GRIA3: variants seen among roughly 807,000 people sequenced by gnomAD.
GRIA3 encodes the protein glutamate ionotropic receptor AMPA type subunit 3.
GRIA3 carries 3 observed loss-of-function variants against 63.0 expected under a neutral mutation model. That is an observed-to-expected ratio of 0.05 (90% CI 0.02 to 0.12). The LOEUF (loss-of-function observed/expected upper bound fraction) is 0.12. GRIA3 is among the 10% of genes least tolerant of loss of function. The probability of loss-of-function intolerance (pLI) is 1.00; values close to 1 mark genes in which losing one functional copy is unlikely to be tolerated. For synonymous variants in GRIA3, 274 were observed against 257.9 expected, an observed-to-expected ratio of 1.06 and a Z score of -0.60; for missense variants, 347 against 700.9, an observed-to-expected ratio of 0.50 and a Z score of 5.70.
intron 10 of GRIA3, among the ~76,000 whole-genome samples, chrX:123,406,818 C>A (rs1341284765): frequency 9.0e-6 from 1 of 111,387 alleles, no homozygotes; most frequent in Non-Finnish European, 1.9e-5. Context: ...GTCAGAGCAC[C>A]CAGTCATGAT....
chrX:123,319,136 A>C (rs2044851791), intron 3 of GRIA3, among the ~76,000 whole-genome samples: 1 of 111,839 alleles, frequency 8.9e-6, no homozygotes, highest in Non-Finnish European at 1.9e-5. Context: ...CCAACAACAC[A>C]GGGGAATTCT....
chrX:123,289,437 T>A (rs2044642659), intron 3 of GRIA3, among the ~76,000 whole-genome samples: 1 of 106,704 alleles, frequency 9.4e-6, no homozygotes, highest in African/African-American at 3.4e-5. Context: ...AATATATATA[T>A]ATATATAAAG....
chrX:123,420,745 C>G (rs1378555695), intron 11 of GRIA3, among the ~76,000 whole-genome samples: 1 of 111,307 alleles, frequency 9.0e-6, no homozygotes, highest in Non-Finnish European at 1.9e-5. Context: ...TAAGTAATAA[C>G]TTAAAGATTA....
chrX:123,389,251 T>C (rs1040988443), intron 5 of GRIA3, among the ~76,000 whole-genome samples: 1 of 112,073 alleles, frequency 8.9e-6, no homozygotes, highest in East Asian at 2.8e-4. Flanking sequence ...TCAAGTGAAG[T>C]TTAAATTCAG....
chrX:123,244,824 T>C (rs763136313), intron 2 of GRIA3, among the ~76,000 whole-genome samples: 8 of 112,203 alleles, frequency 7.1e-5, no homozygotes, highest in African/African-American at 2.3e-4. Context: ...ATTGCCAAGG[T>C]TGAAAAACCC....
At chrX:123,285,737 A>T (rs1312574019) in intron 3 of GRIA3, among the ~76,000 whole-genome samples, 2 of 111,149 alleles carry the variant, frequency 1.8e-5, no homozygotes, top group Admixed American at 1.9e-4. Context: ...ATATATTTGC[A>T]CCCAAGACAG....
chrX:123,319,857 T>A (rs745467279), intron 3 of GRIA3, among the ~76,000 whole-genome samples: 1 of 110,111 alleles, frequency 9.1e-6, no homozygotes, highest in African/African-American at 3.3e-5. Flanking sequence ...ATGCCACATT[T>A]GTATTGGGTA....
chrX:123,345,963 A>G (rs1318480422), intron 4 of GRIA3, among the ~76,000 whole-genome samples: 1 of 111,871 alleles, frequency 8.9e-6, no homozygotes, highest in East Asian at 2.8e-4. Flanking sequence ...AATATAGGAT[A>G]AGCATTGGGC....
intron 5 of GRIA3, among the ~76,000 whole-genome samples, chrX:123,383,865 C>G (rs761562105): frequency 9.9e-4 from 110 of 110,913 alleles, no homozygotes; most frequent in Non-Finnish European, 1.6e-3. Context: ...CTCTCAGCCT[C>G]CACCCTCCAA....
intron 5 of GRIA3, among the ~76,000 whole-genome samples, chrX:123,385,116 G>T (rs989741107): frequency 9.0e-6 from 1 of 111,593 alleles, no homozygotes; most frequent in South Asian, 3.7e-4. Context: ...GTCTTCCAGG[G>T]TTTTTATAGT....
intron 6 of GRIA3, among the ~76,000 whole-genome samples, chrX:123,397,592 C>A (rs959561988): frequency 5.4e-5 from 6 of 111,826 alleles, no homozygotes; most frequent in African/African-American, 2.0e-4. Context: ...AACATATGTC[C>A]CCTGTTACAG....
intron 2 of GRIA3, among the ~76,000 whole-genome samples, chrX:123,223,288 C>A (rs143715081): frequency 8.9e-6 from 1 of 112,734 alleles, no homozygotes; most frequent in Non-Finnish European, 1.9e-5. Context: ...CCAACAGATA[C>A]GCAGGAGTTT....
intron 3 of GRIA3, among the ~76,000 whole-genome samples, chrX:123,318,485 C>T (rs1209573129): frequency 1.8e-5 from 2 of 111,744 alleles, no homozygotes; most frequent in Admixed American, 1.9e-4. Flanking sequence ...TTTCTTCTGC[C>T]AGATACCCTA....
At chrX:123,187,512 C>T (rs185206878) in intron 2 of GRIA3, among the ~76,000 whole-genome samples, 116 of 112,137 alleles carry the variant, frequency 1.0e-3, no homozygotes, top group Non-Finnish European at 2.0e-3. Context: ...ATTTACAACA[C>T]GCATCTGACT....
chrX:123,230,074 C>G (rs1222459131), intron 2 of GRIA3, among the ~76,000 whole-genome samples: 2 of 111,669 alleles, frequency 1.8e-5, no homozygotes, highest in African/African-American at 6.5e-5. Flanking sequence ...CCCAGTTCCT[C>G]TACTGAAGGA....
At chrX:123,409,124 C>A (rs1477364230) in intron 10 of GRIA3, among the ~76,000 whole-genome samples, 2 of 111,807 alleles carry the variant, frequency 1.8e-5, no homozygotes, top group African/African-American at 6.5e-5. Context: ...TCTCTAAGTT[C>A]TTAATGAGCA....
intron 12 of GRIA3, among the ~76,000 whole-genome samples, chrX:123,454,443 A>C (rs2045750937): frequency 8.9e-6 from 1 of 111,800 alleles, no homozygotes; most frequent in Non-Finnish European, 1.9e-5. Flanking sequence ...ATTCAATTAA[A>C]TGTTAGTTAT....
intron 2 of GRIA3, among the ~76,000 whole-genome samples, chrX:123,247,524 T>C (rs1044930886): frequency 6.4e-5 from 7 of 110,221 alleles, no homozygotes; most frequent in African/African-American, 9.9e-5. Flanking sequence ...AGAAAAAAAA[T>C]TGGTATTTTG....
At chrX:123,186,798 G>A (rs1428021912) in intron 2 of GRIA3, among the ~76,000 whole-genome samples, 1 of 111,559 alleles carries the variant, frequency 9.0e-6, no homozygotes, top group Non-Finnish European at 1.9e-5. Context: ...GCTTGGAGCA[G>A]GAAAACTGAA....
Sources: allele counts gnomAD v4.1 joint callset (sites outside exome capture counted in the v4.1 genomes callset), GRCh38; gene constraint gnomAD v4.1.1; transcripts MANE v1.5; gene names NCBI Gene and HGNC (gene_info 2026-07-23, HGNC 2026-07-21).